CYC1: variants seen among roughly 807,000 people sequenced by gnomAD.
CYC1 encodes the protein cytochrome c1.
In CYC1, 10 loss-of-function variants were observed where a neutral mutation model predicts 33.8. The ratio of observed to expected loss-of-function variants is 0.30; its 90% confidence interval spans 0.18 to 0.50. The LOEUF is 0.50. Among genes scored for constraint, CYC1 ranks in the 20% least tolerant of loss-of-function variants. The probability of loss-of-function intolerance (pLI) is 0.98; values close to 1 mark genes in which losing one functional copy is unlikely to be tolerated. For missense variants in CYC1, 459 were observed against 437.6 expected (o/e 1.05, Z -0.44); for synonymous variants, 224 against 181.9 (o/e 1.23, Z -1.86).
At chr8:144,096,051 T>TGGCA (rs1564310474) in intron 2 of CYC1, 22 bp downstream of exon 2, 5 of 1,599,504 alleles carry the variant, frequency 3.1e-6, no homozygotes, top group Non-Finnish European at 4.3e-6. Context: ...GCTGGCTGGC[T>TGGCA]GGCAGCGGGA....
chr8:144,097,316 G>C lies in CYC1; in HGVS notation c.958G>C (p.Ala320Pro), dbSNP rs1836184925. 6.2e-7 allele frequency: 1 copy of C among 1,613,858 alleles called. No individual in the cohort carries two copies. Among genetic ancestry groups the C allele is most frequent in the Admixed American group, 1.7e-5 (1 of 59,978 alleles). The change falls in exon 7 of 7, where the codon GCA becomes CCA. Residue 320 changes from alanine to proline, a missense_variant. By Grantham distance (27) the Ala-to-Pro change is conservative. Coordinates refer to ENST00000318911, the MANE Select transcript of CYC1 (RefSeq NM_001916.5). Reference sequence around the variant, plus strand: ...GTCAGTCCTGAAGAGTCGGAAGCTGGCATATCGGCCGCCCAAGTGACCCTG... The same window carrying C: ...GTCAGTCCTGAAGAGTCGGAAGCTGCCATATCGGCCGCCCAAGTGACCCTG... The part of the protein sequence containing the change: ...KWSVLKSRKL[A>P]YRPPK
chr8:144,095,207 G>C lies in CYC1; in HGVS notation c.108G>C (p.Gln36His), dbSNP rs1172956722. 5.8e-6 allele frequency: 7 copies of C among 1,202,176 alleles called. No individual in the cohort carries two copies. Among genetic ancestry groups the C allele is most frequent in the Non-Finnish European group, 7.2e-6 (7 of 968,280 alleles). 74.5% of individuals were successfully genotyped at this position (1,202,176 alleles called of 1,614,324 possible). A position where few individuals can be genotyped will look rare whatever the true frequency, so the allele number is the denominator to read the frequency against. ...TGCTGTGCAGCGCGCGTCCCGGGCA[G>C]CTCCCGCTACGGACACCTCAGGTGA... ...RGLLCSARPG[Q>H]LPLRTPQAVA... Residue 36 changes from glutamine (Q) to histidine (H), a missense_variant, in exon 1 of 7, where the codon CAG (glutamine) becomes CAC (histidine). By Grantham distance (24) the Gln-to-His change is conservative. Coordinates refer to ENST00000318911, the MANE Select transcript of CYC1 (RefSeq NM_001916.5).
intron 5 of CYC1, 56 bp from the exon 6 acceptor site, chr8:144,096,978 T>C (rs1836174944): frequency 1.4e-6 from 2 of 1,456,094 alleles, no homozygotes; most frequent in South Asian, 1.2e-5. Flanking sequence ...AGGGGGGGCA[T>C]GATCCCAGGT....
In CYC1 at chr8:144,096,198, A is replaced by G. The variant is rs760887176; in HGVS notation, c.401A>G (p.His134Arg). Residue 134 changes from histidine (H) to arginine (R), a missense_variant, in exon 3 of 7, where the codon CAC becomes CGC. Coordinates refer to ENST00000318911, the MANE Select transcript of CYC1 (RefSeq NM_001916.5). The stretch of plus-strand genomic sequence containing the variant: ...AGCATGGACTTCGTGGCCTACCGCC[A>G]CCTGGTGGGCGTGTGCTACACGGAG... ...CHSMDFVAYR[H>R]LVGVCYTEDE... The G allele has an allele frequency of 2.5e-6, 4 of 1,613,890 alleles. No individual in the cohort carries two copies. The highest frequency in any genetic ancestry group is 3.4e-6 in the Non-Finnish European group (4 of 1,179,938).
Position 144,097,096 on chromosome 8 carries a change from G to A in CYC1, c.835G>A (p.Glu279Lys). The change falls in exon 6 of 7, where the codon GAG becomes AAG. Residue 279 changes from glutamate to lysine, a missense_variant. Physicochemically the swap from Glu to Lys is moderately conservative, Grantham distance 56. Transcript: ENST00000318911. The part of the protein sequence containing the change: ...DVCTFLRWAS[E>K]PEHDHRKRMG... Reference sequence around the variant, plus strand: ...GTGCACCTTCCTGCGCTGGGCATCTGAGCCAGAGCACGACCATCGAAAACG... The same window carrying A: ...GTGCACCTTCCTGCGCTGGGCATCTAAGCCAGAGCACGACCATCGAAAACG... 6.2e-7 allele frequency: 1 copy of A among 1,612,042 alleles called. No homozygotes were observed. The highest frequency in any genetic ancestry group is 8.5e-7 in the Non-Finnish European group (1 of 1,179,030).
chr8:144,096,416 C>T lies in CYC1; in HGVS notation c.533C>T (p.Pro178Leu), dbSNP rs1404801442. Residue 178 changes from proline (P) to leucine (L), a missense_variant, in exon 4 of 7, where the codon CCA becomes CTA. Pro to Leu is a moderately conservative substitution (Grantham distance 98). Coordinates refer to ENST00000318911, the MANE Select transcript of CYC1 (RefSeq NM_001916.5). ...PGKLFDYFPKPYPNSEAARAA... is the reference protein window; with the variant it reads ...PGKLFDYFPKLYPNSEAARAA... ...AAGCTGTTCGACTATTTCCCAAAAC[C>T]ATACCCCAACAGTGAGGCTGCTCGA... 1 of 1,614,002 alleles carries T rather than the reference C, an allele frequency of 6.2e-7. No homozygotes were observed. The highest frequency in any genetic ancestry group is 8.5e-7 in the Non-Finnish European group (1 of 1,180,010).
chr8:144,095,103 G>A lies in CYC1; in HGVS notation c.4G>A (p.Ala2Thr). Residue 2 changes from alanine to threonine, a missense_variant, in exon 1 of 7, where the codon GCG becomes ACG. Transcript: ENST00000318911. Reference protein sequence around the residue: MAAAAASLRGVV... With the variant: MTAAAASLRGVV... ...CGGCCGCGCGGAGGAGGCCAAGATGGCGGCAGCTGCGGCTTCGCTTCGCGG... is the reference window on the plus strand; with the variant it reads ...CGGCCGCGCGGAGGAGGCCAAGATGACGGCAGCTGCGGCTTCGCTTCGCGG... 2 of 1,209,598 alleles carry A rather than the reference G, an allele frequency of 1.7e-6. No homozygotes were observed. Among genetic ancestry groups the A allele is most frequent in the Non-Finnish European group, 2.1e-6 (2 of 972,118 alleles). 74.9% of individuals were successfully genotyped at this position (1,209,598 alleles called of 1,614,324 possible).
At chr8:144,097,198 C>A (rs1409130343) in intron 6 of CYC1, 34 bp from the exon 7 acceptor site, 1 of 1,610,270 alleles carries the variant, frequency 6.2e-7, no homozygotes, top group Non-Finnish European at 8.5e-7. Context: ...AGGGCTCCTC[C>A]CCACTCCCTT....
chr8:144,097,433 C>A lies in CYC1; in HGVS notation c.*97C>A. ...AGGCCTCAGCTAAGCCTCTCTTCATCTGGAAGAAGAGGCAAGGGGGCAGGA... is the reference window on the plus strand; with the variant it reads ...AGGCCTCAGCTAAGCCTCTCTTCATATGGAAGAAGAGGCAAGGGGGCAGGA... On this transcript the variant is annotated 3_prime_UTR_variant, in exon 7 of 7. Transcript: ENST00000318911. The A allele has an allele frequency of 9.9e-7, 1 of 1,009,098 alleles. No homozygotes were observed. Among genetic ancestry groups the A allele is most frequent in the Non-Finnish European group, 1.5e-6 (1 of 669,402 alleles). 62.5% of individuals were successfully genotyped at this position (1,009,098 alleles called of 1,614,324 possible).
In CYC1 at chr8:144,095,076, G is replaced by T; in HGVS notation, c.-24G>T. 8.3e-7 allele frequency: 1 copy of T among 1,205,026 alleles called. No homozygotes were observed. The highest frequency in any genetic ancestry group is 4.2e-5 in the South Asian group (1 of 24,036). The allele number at this position is 1,205,026 out of a possible 1,614,324, so 74.6% of individuals were successfully genotyped here. ...TGGCGCCCCAGGGGCCGACGGGAGT[G>T]GCGGCCGCGCGGAGGAGGCCAAGAT... On this transcript the variant is annotated 5_prime_UTR_variant, in exon 1 of 7. Coordinates refer to ENST00000318911, the MANE Select transcript of CYC1 (RefSeq NM_001916.5).
rs1213866661 is a variant in CYC1 at position 144,096,107 on chromosome 8, C to G, written c.327-17C>G. The G allele has an allele frequency of 6.2e-7, 1 of 1,610,686 alleles. No homozygotes were observed. The highest frequency in any genetic ancestry group is 8.5e-7 in the Non-Finnish European group (1 of 1,179,216). ...AGGTGGAATCTTCAGCTTTCCTAAC[C>G]CTTTCCCTCCCTCCAGCATCCGGAG... On this transcript the variant is annotated splice_polypyrimidine_tract_variant and intron_variant, in intron 2 of 6. Transcript: ENST00000318911.
chr8:144,096,068 G>T, intron 2 of CYC1, 39 bp downstream of exon 2: 1 of 1,603,144 alleles, frequency 6.2e-7, no homozygotes, highest in Non-Finnish European at 8.5e-7. Flanking sequence ...GGGAGGTTCT[G>T]GGTGGAGCTG....
rs1018124526 is a variant in CYC1 at position 144,096,699 on chromosome 8, G to A, written c.727G>A (p.Ala243Thr). 8 of 1,610,278 alleles carry A rather than the reference G, an allele frequency of 5.0e-6. No individual in the cohort carries two copies. The highest frequency in any genetic ancestry group is 6.8e-6 in the Non-Finnish European group (8 of 1,178,676). Residue 243 changes from alanine (A) to threonine (T), a missense_variant, in exon 5 of 7, where the codon GCC (alanine) becomes ACC (threonine). Ala to Thr is a moderately conservative substitution (Grantham distance 58, BLOSUM62 0). Transcript: ENST00000318911. ...FNPYFPGQAI[A>T]MAPPIYTDVL... ...CCCCTACTTTCCTGGCCAGGCCATT[G>A]CCATGGCCCCTCCCATCTACACAGA...
rs1050823642 is a variant in CYC1, at chr8:144,097,490, C to T, written c.*154C>T. 4.7e-5 allele frequency: 29 copies of T among 613,924 alleles called. No homozygotes were observed. Among genetic ancestry groups the T allele is most frequent in the Middle Eastern group, 4.3e-4 (1 of 2,304 alleles). 38.0% of individuals were successfully genotyped at this position (613,924 alleles called of 1,614,324 possible). A position where few individuals can be genotyped will look rare whatever the true frequency, so the allele number is the denominator to read the frequency against. On this transcript the variant is annotated 3_prime_UTR_variant, in exon 7 of 7. Transcript: ENST00000318911. ...GCTCTAGCTCTGGGCCCTCCTTCAG[C>T]CCCCATCATGGGAATAAATTAATTT... is the stretch of plus-strand genomic sequence containing the variant.
At position 144,096,598 on chromosome 8, in the gene CYC1, A is replaced by C; in HGVS notation, c.626A>C (p.Asp209Ala). The change falls in exon 5 of 7, where the codon GAC becomes GCC. Residue 209 changes from aspartate (D) to alanine (A), a missense_variant. Transcript: ENST00000318911. Reference protein sequence around the residue: ...YIVRARHGGEDYVFSLLTGYC... With the variant: ...YIVRARHGGEAYVFSLLTGYC... Reference sequence around the variant, plus strand: ...TCTGGTCCTAGGCATGGTGGTGAGGACTACGTCTTCTCCCTGCTCACGGGC... The same window carrying C: ...TCTGGTCCTAGGCATGGTGGTGAGGCCTACGTCTTCTCCCTGCTCACGGGC... 4 of 1,613,894 alleles carry C rather than the reference A, an allele frequency of 2.5e-6. No homozygotes were observed. The highest frequency in any genetic ancestry group is 3.4e-6 in the Non-Finnish European group (4 of 1,179,954).
At chr8:144,097,183 T>G in intron 6 of CYC1, 49 bp downstream of exon 6, 1 of 1,607,522 alleles carries the variant, frequency 6.2e-7, no homozygotes, top group Non-Finnish European at 8.5e-7. Context: ...GGCTGGGAGC[T>G]GGGCAGGGCT....
intron 5 of CYC1, 143 bp downstream of exon 5, chr8:144,096,887 G>C: frequency 6.7e-6 from 8 of 1,201,842 alleles, no homozygotes; most frequent in Non-Finnish European, 9.5e-6. Context: ...GGAGGCTTTT[G>C]GGCTCCTTCA....
At chr8:144,097,009 GC>G (rs768546404) in intron 5 of CYC1, 24 bp from the exon 6 acceptor site, 2 of 1,571,828 alleles carry the variant, frequency 1.3e-6, no homozygotes, top group Admixed American at 3.5e-5. Flanking sequence ...CCTGAGAATA[GC>G]CCTCACTGCT....
intron 1 of CYC1, 125 bp downstream of exon 1, chr8:144,095,353 C>T (rs908925095): frequency 2.4e-5 from 20 of 839,814 alleles, no homozygotes; most frequent in Non-Finnish European, 3.1e-5. Context: ...CGTCCCCGGT[C>T]CCAGCTGCCT....
Sources: gnomAD v4.1 joint callset for allele counts on GRCh38, gnomAD v4.1.1 for gene constraint, MANE v1.5 for transcripts, NCBI Gene and HGNC (gene_info 2026-07-23, HGNC 2026-07-21) for gene names.